The following GDPD5 variants were observed in gnomAD, a reference collection of about 807,000 sequenced individuals.
The protein encoded by GDPD5 is glycerophosphodiester phosphodiesterase 2.
Under a neutral mutation model 75.1 loss-of-function variants are expected in GDPD5, and 48 were observed. The observed-to-expected ratio is 0.64, with a 90% CI of 0.51 to 0.81. The LOEUF is 0.81. Among genes scored for constraint, GDPD5 ranks in the 40% least tolerant of loss-of-function variants. GDPD5 has a pLI of 0.00. For missense variants in GDPD5, 706 were observed against 822.6 expected, an observed-to-expected ratio of 0.86 and a Z score of 1.73; for synonymous variants, 336 against 339.0, an observed-to-expected ratio of 0.99 and a Z score of 0.10.
At chr11:75,461,886 C>T (rs572515035) in intron 4 of GDPD5, among the ~76,000 whole-genome samples, 2 of 152,306 alleles carry the variant, frequency 1.3e-5, no homozygotes, top group Non-Finnish European at 2.9e-5. Flanking sequence ...GTCAGTAGAA[C>T]CCTGGGTCCT....
chr11:75,509,756 T>A (rs975924510), intron 1 of GDPD5, among the ~76,000 whole-genome samples: 1 of 152,188 alleles, frequency 6.6e-6, no homozygotes, highest in African/African-American at 2.4e-5. Flanking sequence ...CTCAGCTCAC[T>A]GCAATCTCCG....
Position 75,477,718 on chromosome 11 carries a change from G to A in GDPD5, c.18C>T (p.Pro6=), listed in dbSNP as rs1949810527. 6.3e-7 allele frequency: 1 copy of A among 1,585,646 alleles called. No homozygotes were observed. ...ACAGCTGTGGCTCGTAGTACTGCAGGGGCTGGTGTCTCACCATACTCGTGC... is the reference window on the plus strand; with the variant it reads ...ACAGCTGTGGCTCGTAGTACTGCAGAGGCTGGTGTCTCACCATACTCGTGC... MVRHQ[P]LQYYEPQLCL... Residue 6 remains proline (P), a synonymous_variant, in exon 3 of 17, where the codon CCC becomes CCT. Coordinates refer to ENST00000336898, the MANE Select transcript of GDPD5 (RefSeq NM_030792.8).
At chr11:75,509,460 C>T (rs1793399) in intron 1 of GDPD5, among the ~76,000 whole-genome samples, 112,249 of 152,148 alleles carry the variant, frequency 0.74, 43,507 homozygotes, top group Middle Eastern at 0.86. Context: ...TGCCAGGGAG[C>T]ACTTCCTGAA....
Position 75,442,350 on chromosome 11 carries a change from T to C in GDPD5, c.1167+13A>G, listed in dbSNP as rs369818036. 3.5e-5 allele frequency: 54 copies of C among 1,540,738 alleles called. No individual in the cohort carries two copies. The African/African-American group carries it at 7.1e-4, about 20-fold the overall frequency. On this transcript the variant is annotated intron_variant, in intron 12 of 16. Coordinates refer to ENST00000336898, the MANE Select transcript of GDPD5 (RefSeq NM_030792.8). ...AGGGCTCCCGGGGGCAGAGCTGCGT[T>C]GCAGGGCCTCACCTGGTGCTGGGGG...
At chr11:75,440,372 C>T (rs1298035587) in intron 14 of GDPD5, among the ~76,000 whole-genome samples, 1 of 152,166 alleles carries the variant, frequency 6.6e-6, no homozygotes, top group East Asian at 1.9e-4. Context: ...ACCCTCCTCT[C>T]CCATAGAACC....
At position 75,457,494 on chromosome 11, in the gene GDPD5, A is replaced by G. The variant is rs1949309129; in HGVS notation, c.315+199T>C. Among the ~76,000 whole-genome samples, 3 of 152,268 alleles carry G rather than the reference A, an allele frequency of 2.0e-5. No individual in the cohort carries two copies. The South Asian group carries it at 6.2e-4, about 31-fold the overall frequency. The stretch of plus-strand genomic sequence containing the variant: ...TTCTGATTAGTCGCTATTATAAATT[A>G]AGATAAAAATGAAAATGTTATACAT... On this transcript the variant is annotated intron_variant, in intron 5 of 16. Transcript: ENST00000336898.
chr11:75,453,613 C>T (rs1949219192), intron 6 of GDPD5, among the ~76,000 whole-genome samples: 1 of 101,930 alleles, frequency 9.8e-6, no homozygotes. Context: ...GCAAGACTGT[C>T]TCTAAAAAAA....
chr11:75,487,770 G>A (rs75713567), intron 2 of GDPD5, among the ~76,000 whole-genome samples: 5,495 of 152,244 alleles, frequency 0.036, 253 homozygotes, highest in African/African-American at 0.099. Flanking sequence ...TCTTTCCCAG[G>A]TCAGGGCTAT....
At chr11:75,469,271 G>A (rs886458243) in intron 3 of GDPD5, among the ~76,000 whole-genome samples, 3 of 152,150 alleles carry the variant, frequency 2.0e-5, no homozygotes, top group African/African-American at 7.2e-5. Flanking sequence ...GCTGCATCCC[G>A]GGCTGTGGGG....
Position 75,525,894 on chromosome 11 carries a change from G to C in GDPD5, c.-829C>G, listed in dbSNP as rs1941648051. ...GCGCCGCGCCGCTGCCACCTCCGCT[G>C]TCATCCCCGCCACCCACCCCCACCG... On this transcript the variant is annotated 5_prime_UTR_variant, in exon 1 of 17. Transcript: ENST00000336898. 1 of 151,570 alleles carries C rather than the reference G, an allele frequency of 6.6e-6. No individual in the cohort carries two copies. Among genetic ancestry groups the C allele is most frequent in the Non-Finnish European group, 1.5e-5 (1 of 67,938 alleles). The allele number at this position is 151,570 out of a possible 1,614,324, so 9.4% of individuals were successfully genotyped here.
At chr11:75,459,369 A>T (rs187826675) in intron 4 of GDPD5, among the ~76,000 whole-genome samples, 230 of 143,876 alleles carry the variant, frequency 1.6e-3, no homozygotes, top group African/African-American at 5.7e-3. Context: ...GGGTCTTGCT[A>T]TGTTGCCCAG....
intron 2 of GDPD5, among the ~76,000 whole-genome samples, chr11:75,478,734 T>C (rs1316616748): frequency 6.6e-6 from 1 of 152,222 alleles, no homozygotes; most frequent in Non-Finnish European, 1.5e-5. Context: ...TCATATAAGC[T>C]GAGATGTGTT....
chr11:75,443,319 C>T (rs777011101), intron 10 of GDPD5, 33 bp from the exon 11 acceptor site: 2 of 1,577,808 alleles, frequency 1.3e-6, no homozygotes, highest in African/African-American at 1.3e-5. Context: ...GAGTCAGTGA[C>T]CCCCCAGATC....
intron 1 of GDPD5, among the ~76,000 whole-genome samples, chr11:75,501,014 T>G (rs1950295213): frequency 1.3e-5 from 2 of 152,218 alleles, no homozygotes; most frequent in Non-Finnish European, 2.9e-5. Flanking sequence ...AGTGTCCAAC[T>G]GCATAGCTGA....
chr11:75,493,368 TTC>T (rs60622597), intron 1 of GDPD5, among the ~76,000 whole-genome samples: 89,811 of 151,568 alleles, frequency 0.59, 27,445 homozygotes, highest in East Asian at 0.79. Flanking sequence ...AGTTAAACTC[TTC>T]TCTGTTTTTT....
chr11:75,486,344 C>G (rs979868646), intron 2 of GDPD5, among the ~76,000 whole-genome samples: 2 of 152,172 alleles, frequency 1.3e-5, no homozygotes, highest in Non-Finnish European at 2.9e-5. Context: ...GGCAGGAAGG[C>G]CCATACCAAG....
At chr11:75,517,594 C>T (rs1030413733) in intron 1 of GDPD5, among the ~76,000 whole-genome samples, 2 of 152,186 alleles carry the variant, frequency 1.3e-5, no homozygotes, top group Non-Finnish European at 2.9e-5. Context: ...ATGGCTCATT[C>T]GCTGGCTCTG....
chr11:75,486,897 C>A (rs533946764), intron 2 of GDPD5, among the ~76,000 whole-genome samples: 1 of 152,200 alleles, frequency 6.6e-6, no homozygotes, highest in Admixed American at 6.5e-5. Context: ...GGAGACAGCA[C>A]AGCGGAAGCC....
At chr11:75,442,941 C>T (rs2135166779) in intron 11 of GDPD5, 195 bp downstream of exon 11, 1 of 660,196 alleles carries the variant, frequency 1.5e-6, no homozygotes, top group Admixed American at 2.4e-5. Flanking sequence ...GGAAATGGAC[C>T]CAGAACAAGC....
Sources: allele counts gnomAD v4.1 joint callset (sites outside exome capture counted in the v4.1 genomes callset), GRCh38; gene constraint gnomAD v4.1.1; transcripts MANE v1.5; gene names NCBI Gene and HGNC (gene_info 2026-07-23, HGNC 2026-07-21).